RERE: variants seen among roughly 807,000 people sequenced by gnomAD.
RERE encodes arginine-glutamic acid dipeptide repeats.
Under a neutral mutation model 146.1 loss-of-function variants are expected in RERE, and 40 were observed. The ratio of observed to expected loss-of-function variants is 0.27; its 90% CI spans 0.21 to 0.36. The LOEUF is 0.36. Ranked by LOEUF, RERE falls within the 10% of genes least tolerant of loss-of-function variation. The pLI is 1.00. For synonymous variants in RERE, 1,003 were observed against 866.0 expected, an observed-to-expected ratio of 1.16 and a Z score of -2.78; for missense variants, 1,933 against 2,138.7, an observed-to-expected ratio of 0.90 and a Z score of 1.90.
At position 8,498,074 on chromosome 1, in the gene RERE, G is replaced by C. The variant is rs186828534; in HGVS notation, c.880-545C>G. On this transcript the variant is annotated intron_variant, in intron 8 of 22. Transcript: ENST00000400908. ...TATTAAGTAAACATTAAAAAATATAGTTGAGGCCAGGCCTGGTGGCTCACG... is the reference window on the plus strand; with the variant it reads ...TATTAAGTAAACATTAAAAAATATACTTGAGGCCAGGCCTGGTGGCTCACG... 6.6e-5 allele frequency among the ~76,000 whole-genome samples: 10 copies of C among 152,324 alleles called. No homozygotes were observed. In the East Asian group the frequency reaches 1.9e-3, roughly 29 times the overall value.
intron 1 of RERE, among the ~76,000 whole-genome samples, chr1:8,756,454 C>G (rs966203824): frequency 2.0e-5 from 3 of 152,080 alleles, no homozygotes; most frequent in African/African-American, 4.8e-5. Context: ...CTAAAAGCCT[C>G]GACTCTGCAT....
intron 1 of RERE, among the ~76,000 whole-genome samples, chr1:8,689,736 C>T (rs1639169202): frequency 7.1e-6 from 1 of 141,114 alleles, no homozygotes. Flanking sequence ...ATAAGACTGA[C>T]AAATTAAGGT....
chr1:8,739,823 TTAA>T (rs59149026), intron 1 of RERE, among the ~76,000 whole-genome samples: 86,554 of 149,716 alleles, frequency 0.58, 25,464 homozygotes, highest in East Asian at 0.83. Flanking sequence ...TCCATTATGA[TTAA>T]TGTTAATAAT....
intron 12 of RERE, among the ~76,000 whole-genome samples, chr1:8,416,442 C>G (rs866305311): frequency 6.6e-6 from 1 of 151,788 alleles, no homozygotes. Context: ...AAAAATTAGC[C>G]AGGCGTGGTG....
At chr1:8,679,659 G>T (rs574466453) in intron 1 of RERE, among the ~76,000 whole-genome samples, 8 of 152,272 alleles carry the variant, frequency 5.3e-5, no homozygotes, top group African/African-American at 1.7e-4. Context: ...ATGTGGGTAG[G>T]CAGAAGGCTG....
chr1:8,593,369 G>A (rs766185477), intron 4 of RERE, among the ~76,000 whole-genome samples: 2 of 152,160 alleles, frequency 1.3e-5, no homozygotes, highest in East Asian at 3.8e-4. Context: ...GAATCATGGG[G>A]GTGGGTCTTT....
intron 1 of RERE, among the ~76,000 whole-genome samples, chr1:8,777,320 AT>A (rs147745908): frequency 0.014 from 2,169 of 152,226 alleles, 46 homozygotes; most frequent in African/African-American, 0.048. Context: ...TATTTTTCTT[AT>A]GTTTTATACC....
chr1:8,765,012 G>A (rs1339028227), intron 1 of RERE, among the ~76,000 whole-genome samples: 2 of 152,220 alleles, frequency 1.3e-5, no homozygotes, highest in African/African-American at 4.8e-5. Context: ...GTCACCCCAA[G>A]AGAAATGCAA....
chr1:8,503,087 A>AAAATTAAAT (rs758446712), intron 8 of RERE, among the ~76,000 whole-genome samples: 9 of 144,654 alleles, frequency 6.2e-5, no homozygotes, highest in African/African-American at 2.1e-4. Flanking sequence ...TGATCAATTA[A>AAAATTAAAT]AAATAAATAA....
At chr1:8,516,163 T>C (rs887333589) in intron 7 of RERE, among the ~76,000 whole-genome samples, 2 of 131,022 alleles carry the variant, frequency 1.5e-5, no homozygotes, top group South Asian at 4.7e-4. Flanking sequence ...AGATGGAGGC[T>C]GCAGAGAGCC....
intron 2 of RERE, among the ~76,000 whole-genome samples, chr1:8,655,129 A>G (rs1219968070): frequency 6.6e-6 from 1 of 152,026 alleles, no homozygotes; most frequent in Non-Finnish European, 1.5e-5. Context: ...GACTACTTCT[A>G]TTATTGTTGA....
At chr1:8,547,204 CAT>C (rs1226144680) in intron 6 of RERE, among the ~76,000 whole-genome samples, 1 of 151,544 alleles carries the variant, frequency 6.6e-6, no homozygotes, top group Non-Finnish European at 1.5e-5. Context: ...AGTGCTGACA[CAT>C]AGACAATAGA....
At chr1:8,668,913 T>C (rs1037050256) in intron 1 of RERE, among the ~76,000 whole-genome samples, 16 of 126,292 alleles carry the variant, frequency 1.3e-4, no homozygotes, top group Admixed American at 1.1e-3. Flanking sequence ...TATTCTAAAA[T>C]GCACTAAACT....
At chr1:8,570,739 G>A (rs997605564) in intron 4 of RERE, among the ~76,000 whole-genome samples, 1 of 152,208 alleles carries the variant, frequency 6.6e-6, no homozygotes, top group Non-Finnish European at 1.5e-5. Context: ...AGATGAAGTC[G>A]ACAAGCTGCA....
chr1:8,800,683 G>A (rs1297080247), intron 1 of RERE, among the ~76,000 whole-genome samples: 2 of 151,938 alleles, frequency 1.3e-5, no homozygotes, highest in Non-Finnish European at 2.9e-5. Flanking sequence ...AACTTTGTAA[G>A]GGCCAGAAGT....
In RERE at chr1:8,358,667, G is replaced by A; in HGVS notation, c.3868C>T (p.Pro1290Ser). ...PTDPLLAYHM[P>S]GLYNVDPTIR... ...GTGGGGTCGACGTTGTAGAGGCCAG[G>A]CATGTGGTAGGCCAGCAGGGGGTCC... The change falls in exon 20 of 23, where the codon CCT becomes TCT. Residue 1290 changes from proline (P) to serine (S), a missense_variant. Physicochemically the swap from Pro to Ser is moderately conservative, Grantham distance 74. Coordinates refer to ENST00000400908, the MANE Select transcript of RERE (RefSeq NM_001042681.2). 1 of 1,585,524 alleles carries A rather than the reference G, an allele frequency of 6.3e-7. No individual in the cohort carries two copies. The highest frequency in any genetic ancestry group is 8.6e-7 in the Non-Finnish European group (1 of 1,164,150).
chr1:8,457,329 C>G (rs958891149), intron 11 of RERE, among the ~76,000 whole-genome samples: 28 of 152,188 alleles, frequency 1.8e-4, no homozygotes, highest in African/African-American at 6.8e-4. Context: ...CATGCTGCTT[C>G]CTGATAGCTC....
intron 4 of RERE, among the ~76,000 whole-genome samples, chr1:8,594,350 G>C (rs1050331955): frequency 6.6e-6 from 1 of 152,134 alleles, no homozygotes; most frequent in Non-Finnish European, 1.5e-5. Context: ...AATGATCAGA[G>C]GTGTGTACTT....
chr1:8,710,263 G>C (rs1639639692), intron 1 of RERE, among the ~76,000 whole-genome samples: 1 of 152,144 alleles, frequency 6.6e-6, no homozygotes, highest in African/African-American at 2.4e-5. Flanking sequence ...CTAAGTCCTG[G>C]GGGGACTGTT....
Sources: allele counts gnomAD v4.1 joint callset (sites outside exome capture counted in the v4.1 genomes callset), GRCh38; gene constraint gnomAD v4.1.1; transcripts MANE v1.5; gene names NCBI Gene and HGNC (gene_info 2026-07-23, HGNC 2026-07-21).